COBL: variants seen among roughly 807,000 people sequenced by gnomAD.
COBL encodes protein cordon-bleu.
Under a neutral mutation model 98.8 loss-of-function variants are expected in COBL, and 51 were observed. The observed-to-expected ratio is 0.52, with a 90% confidence interval of 0.41 to 0.65. The LOEUF (loss-of-function observed/expected upper bound fraction) is 0.65, where lower values mean the gene tolerates loss of function less well. Among genes scored for constraint, COBL ranks in the 30% least tolerant of loss-of-function variants. COBL has a pLI of 0.00. For synonymous variants in COBL, 634 were observed against 651.7 expected (o/e 0.97, Z 0.41); for missense variants, 1,617 against 1,617.5 (o/e 1.00, Z 0.01).
intron 6 of COBL, among the ~76,000 whole-genome samples, chr7:51,109,231 G>T (rs1562923815): frequency 6.6e-6 from 1 of 151,988 alleles, no homozygotes; most frequent in African/African-American, 2.4e-5. Flanking sequence ...TTCATCTCTG[G>T]TTTTCATCCA....
intron 5 of COBL, among the ~76,000 whole-genome samples, chr7:51,141,849 G>C (rs1286129132): frequency 2.0e-5 from 3 of 152,182 alleles, no homozygotes; most frequent in Admixed American, 2.0e-4. Context: ...TGAGAATGGG[G>C]AGAATGCTGC....
At position 51,111,200 on chromosome 7, in the gene COBL, C is replaced by T. The variant is rs142634130; in HGVS notation, c.957+24958G>A. On this transcript the variant is annotated intron_variant, in intron 6 of 12. Coordinates refer to ENST00000265136, the MANE Select transcript of COBL (RefSeq NM_015198.5). ...TAATTTCATTTCTTTTGGATAAATA[C>T]CTAGTGGTGGGATTGCTGCATCATT... Among the ~76,000 whole-genome samples, 48 of 152,272 alleles carry T rather than the reference C, an allele frequency of 3.2e-4. No homozygotes were observed. The East Asian group carries it at 9.1e-3, about 29-fold the overall frequency.
intron 2 of COBL, among the ~76,000 whole-genome samples, chr7:51,201,673 G>C (rs1791144218): frequency 6.6e-6 from 1 of 152,114 alleles, no homozygotes; most frequent in African/African-American, 2.4e-5. Flanking sequence ...CTTCTCAAGA[G>C]CATGTGGAAC....
At position 51,250,697 on chromosome 7, in the gene COBL, T is replaced by C. The variant is rs1200891951; in HGVS notation, c.42-30753A>G. Among the ~76,000 whole-genome samples the C allele has an allele frequency of 3.3e-5, 5 of 152,354 alleles. No individual in the cohort carries two copies. In the East Asian group the frequency reaches 9.6e-4, roughly 29 times the overall value. On this transcript the variant is annotated intron_variant, in intron 1 of 12. Transcript: ENST00000265136. ...ACCTTAAACATTGGACCCATATGGC[T>C]AAGCCATCATAAATAAAATAACTAA...
At chr7:51,098,296 A>G (rs1352378665) in intron 6 of COBL, among the ~76,000 whole-genome samples, 1 of 146,710 alleles carries the variant, frequency 6.8e-6, no homozygotes, top group Non-Finnish European at 1.5e-5. Flanking sequence ...ACTCCAAATA[A>G]CCAAAGCAAT....
At chr7:51,093,069 C>G (rs1794962075) in intron 6 of COBL, among the ~76,000 whole-genome samples, 1 of 152,012 alleles carries the variant, frequency 6.6e-6, no homozygotes, top group African/African-American at 2.4e-5. Flanking sequence ...GCAAAGAAAA[C>G]AATGAACAGA....
In COBL at chr7:51,017,684, C is replaced by A. The variant is rs879852809; in HGVS notation, c.3769-116G>T. ...TCTTGCAATAGTACTCCTGGAACCC[C>A]CTTCCCAGTTCCTTTGACCTGCAGA... is the stretch of plus-strand genomic sequence containing the variant. On this transcript the variant is annotated intron_variant, in intron 12 of 12. Transcript: ENST00000265136. 13 of 1,085,674 alleles carry A rather than the reference C, an allele frequency of 1.2e-5. No individual in the cohort carries two copies. In the Admixed American group the frequency reaches 2.3e-4, roughly 19 times the overall value. The allele number at this position is 1,085,674 out of a possible 1,614,324, so 67.3% of individuals were successfully genotyped here. A position where few individuals can be genotyped will look rare whatever the true frequency, so the allele number is the denominator to read the frequency against.
intron 6 of COBL, among the ~76,000 whole-genome samples, chr7:51,102,489 C>A (rs1480749117): frequency 6.6e-6 from 1 of 152,176 alleles, no homozygotes; most frequent in East Asian, 1.9e-4. Flanking sequence ...TTCTATACCT[C>A]ACTCTGGGAG....
At chr7:51,107,084 GTT>G (rs202161212) in intron 6 of COBL, among the ~76,000 whole-genome samples, 1 of 109,312 alleles carries the variant, frequency 9.1e-6, no homozygotes, top group Non-Finnish European at 1.9e-5. Context: ...TGTGATCCTA[GTT>G]TGTTTGTTTT....
intron 1 of COBL, among the ~76,000 whole-genome samples, chr7:51,281,765 G>A (rs575064625): frequency 2.6e-5 from 4 of 152,224 alleles, no homozygotes; most frequent in African/African-American, 4.8e-5. Flanking sequence ...CAGCAGGCCT[G>A]TTCTAGAATA....
chr7:51,127,898 A>C (rs1798377473), intron 6 of COBL, among the ~76,000 whole-genome samples: 3 of 152,230 alleles, frequency 2.0e-5, no homozygotes, highest in African/African-American at 7.2e-5. Flanking sequence ...GAGGATGGAC[A>C]CTATAACATT....
Position 51,182,074 on chromosome 7 carries a change from A to G in COBL, c.783+2028T>C, listed in dbSNP as rs570712991. Among the ~76,000 whole-genome samples the G allele has an allele frequency of 1.1e-4, 16 of 152,282 alleles. No homozygotes were observed. The East Asian group carries it at 2.1e-3, about 20-fold the overall frequency. ...GGCCATTTCATCTTTTACAAGGAAG[A>G]AGACACAAAGAGAACAACTACTTGA... On this transcript the variant is annotated intron_variant, in intron 5 of 12. Coordinates refer to ENST00000265136, the MANE Select transcript of COBL (RefSeq NM_015198.5).
chr7:51,173,526 G>C (rs1440763339), intron 5 of COBL, among the ~76,000 whole-genome samples: 2 of 152,120 alleles, frequency 1.3e-5, no homozygotes, highest in Non-Finnish European at 2.9e-5. Flanking sequence ...TTCATTGGGT[G>C]TACACAGAAA....
intron 5 of COBL, among the ~76,000 whole-genome samples, chr7:51,138,383 C>T (rs1799429916): frequency 6.6e-6 from 1 of 152,172 alleles, no homozygotes; most frequent in African/African-American, 2.4e-5. Flanking sequence ...AGATGCAACT[C>T]AAGATTTATT....
At chr7:51,041,626 G>A (rs537908389) in intron 8 of COBL, among the ~76,000 whole-genome samples, 5 of 151,774 alleles carry the variant, frequency 3.3e-5, no homozygotes, top group Admixed American at 3.3e-4. Context: ...TGGGACTACA[G>A]GCAAGTGCCA....
chr7:51,018,091 C>T (rs1253481433), intron 12 of COBL, among the ~76,000 whole-genome samples: 1 of 152,148 alleles, frequency 6.6e-6, no homozygotes, highest in Non-Finnish European at 1.5e-5. Context: ...TGGTGTCTGG[C>T]ACATGGTAAG....
Position 51,263,643 on chromosome 7 carries a change from AAG to A in COBL, c.42-43701_42-43700del, listed in dbSNP as rs374045921. Among the ~76,000 whole-genome samples, 74 of 152,228 alleles carry A rather than the reference AAG, an allele frequency of 4.9e-4. No homozygotes were observed. The South Asian group carries it at 0.015, about 30-fold the overall frequency. On this transcript the variant is annotated intron_variant, in intron 1 of 12. Coordinates refer to ENST00000265136, the MANE Select transcript of COBL (RefSeq NM_015198.5). ...TGAAGCTTTAGTACCTGGGAGGATG[AAG>A]AGTTCCCAGGCGTGGCTGTCCAGCT... is the stretch of plus-strand genomic sequence containing the variant.
chr7:51,104,091 AAAGTGCTT>A lies in COBL; in HGVS notation c.958-18795_958-18788del, dbSNP rs1371030600. 5.2e-5 allele frequency among the ~76,000 whole-genome samples: 8 copies of A among 152,392 alleles called. No individual in the cohort carries two copies. In the East Asian group the frequency reaches 1.5e-3, roughly 29 times the overall value. The stretch of plus-strand genomic sequence containing the variant: ...ATTCATTCTAGAAAGAGTTCCCTCT[AAAGTGCTT>A]AAGTAATTTCTTAAAAGAGATTTGT... On this transcript the variant is annotated intron_variant, in intron 6 of 12. Coordinates refer to ENST00000265136, the MANE Select transcript of COBL (RefSeq NM_015198.5).
intron 5 of COBL, among the ~76,000 whole-genome samples, chr7:51,148,522 C>T (rs1785251114): frequency 6.6e-6 from 1 of 152,232 alleles, no homozygotes; most frequent in African/African-American, 2.4e-5. Context: ...CCCATGGATG[C>T]TGTCCATGTC....
Sources: allele counts gnomAD v4.1 joint callset (sites outside exome capture counted in the v4.1 genomes callset), GRCh38; gene constraint gnomAD v4.1.1; transcripts MANE v1.5; gene names NCBI Gene and HGNC (gene_info 2026-07-23, HGNC 2026-07-21).